ARB2A: variants seen among roughly 807,000 people sequenced by gnomAD.
The protein encoded by ARB2A is ARB2 cotranscriptional regulator A.
the ARB2A span, among the ~76,000 whole-genome samples, chr5:93,687,586 A>C: frequency 6.6e-6 from 1 of 152,214 alleles, no homozygotes; most frequent in Non-Finnish European, 1.5e-5. Context: ...TCCAAACTAA[A>C]ATAGGCAATA....
chr5:93,763,992 G>T, the ARB2A span, among the ~76,000 whole-genome samples: 2 of 152,166 alleles, frequency 1.3e-5, no homozygotes, highest in Non-Finnish European at 2.9e-5. Context: ...GATGTTCTTT[G>T]AAACCAAAGA....
chr5:93,821,529 A>T, the ARB2A span, among the ~76,000 whole-genome samples: 1 of 152,130 alleles, frequency 6.6e-6, no homozygotes. Context: ...CAATTCATAC[A>T]ATACAGTTAA....
chr5:94,080,380 A>G, the ARB2A span, among the ~76,000 whole-genome samples: 1 of 152,214 alleles, frequency 6.6e-6, no homozygotes, highest in Admixed American at 6.5e-5. Context: ...CAGTAATAAC[A>G]CATTTGCAAA....
chr5:93,705,651 G>GTATA, the ARB2A span, among the ~76,000 whole-genome samples: 15 of 132,872 alleles, frequency 1.1e-4, no homozygotes, highest in Admixed American at 6.8e-4. Context: ...GTGTGTGTGT[G>GTATA]TATATATATA....
At chr5:93,925,740 T>C in the ARB2A span, among the ~76,000 whole-genome samples, 2 of 152,110 alleles carry the variant, frequency 1.3e-5, no homozygotes, top group Admixed American at 6.5e-5. Context: ...TGGGGAGATA[T>C]GTTGAAAAAG....
chr5:93,966,076 G>C, the ARB2A span, among the ~76,000 whole-genome samples: 1 of 151,930 alleles, frequency 6.6e-6, no homozygotes, highest in Non-Finnish European at 1.5e-5. Flanking sequence ...TGGTACTGTA[G>C]ACTTATAAGA....
the ARB2A span, chr5:93,741,328 C>G: frequency 1.9e-6 from 3 of 1,612,898 alleles, no homozygotes; most frequent in South Asian, 2.2e-5. Flanking sequence ...ACGGGGCCTG[C>G]AGGGTGCTAT....
the ARB2A span, among the ~76,000 whole-genome samples, chr5:93,634,260 C>T: frequency 1.2e-4 from 18 of 151,612 alleles, no homozygotes; most frequent in Admixed American, 7.9e-4. Context: ...ATTAGCTGGG[C>T]GTGGTGGTGC....
the ARB2A span, among the ~76,000 whole-genome samples, chr5:93,760,215 G>A: frequency 6.6e-6 from 1 of 152,094 alleles, no homozygotes; most frequent in Admixed American, 6.6e-5. Flanking sequence ...ACCTCTACAA[G>A]AAAAACTTCA....
chr5:93,834,302 C>T, the ARB2A span, among the ~76,000 whole-genome samples: 16 of 152,226 alleles, frequency 1.1e-4, no homozygotes, highest in African/African-American at 3.9e-4. Flanking sequence ...AGGGCAGTGC[C>T]ATATTCAAAG....
the ARB2A span, among the ~76,000 whole-genome samples, chr5:93,763,039 G>A: frequency 2.6e-5 from 4 of 152,168 alleles, no homozygotes; most frequent in African/African-American, 9.6e-5. Flanking sequence ...AAGAGCTCCT[G>A]AAGGAAGCAC....
chr5:93,618,513 C>A, the ARB2A span: 5 of 151,170 alleles, frequency 3.3e-5, no homozygotes, highest in African/African-American at 1.2e-4. Context: ...TAACACTGGC[C>A]GTCCTCATGC....
chr5:93,768,533 T>C, the ARB2A span, among the ~76,000 whole-genome samples: 1 of 150,852 alleles, frequency 6.6e-6, no homozygotes, highest in South Asian at 2.1e-4. Context: ...ATATATACAC[T>C]ATATATAGCG....
chr5:93,638,045 T>C, the ARB2A span, among the ~76,000 whole-genome samples: 3 of 152,204 alleles, frequency 2.0e-5, no homozygotes, highest in Non-Finnish European at 4.4e-5. Context: ...TTCTCAAACA[T>C]TGTTGCTGGA....
the ARB2A span, among the ~76,000 whole-genome samples, chr5:94,020,254 C>T: frequency 7.0e-6 from 1 of 143,560 alleles, no homozygotes. Context: ...GGGGGGGTAA[C>T]ATCACACACT....
the ARB2A span, among the ~76,000 whole-genome samples, chr5:93,857,171 G>C: frequency 4.6e-4 from 70 of 152,252 alleles, no homozygotes; most frequent in African/African-American, 1.5e-3. Context: ...ACCCGGCTGT[G>C]TGAGGTGTCA....
chr5:94,038,708 TCTC>T, the ARB2A span, among the ~76,000 whole-genome samples: 1 of 151,498 alleles, frequency 6.6e-6, no homozygotes, highest in Admixed American at 6.6e-5. Flanking sequence ...GCTATAATAA[TCTC>T]CTTAAGAAAG....
chr5:93,721,308 T>G, the ARB2A span, among the ~76,000 whole-genome samples: 15 of 152,138 alleles, frequency 9.9e-5, no homozygotes, highest in African/African-American at 3.6e-4. Context: ...CTTACTCTCA[T>G]AGTTAATCGT....
chr5:93,865,497 A>G, the ARB2A span: 2 of 985,302 alleles, frequency 2.0e-6, no homozygotes, highest in Non-Finnish European at 2.4e-6. Context: ...AGACAATGTA[A>G]CCTATAACTG....
Sources: gnomAD v4.1 joint callset for allele counts (sites outside exome capture counted in the v4.1 genomes callset) on GRCh38, gnomAD v4.1.1 for gene constraint, MANE v1.5 for transcripts, NCBI Gene and HGNC (gene_info 2026-07-23, HGNC 2026-07-21) for gene names.